The following EFHC1 variants were observed in gnomAD, a reference collection of about 807,000 sequenced individuals.
EFHC1 encodes the protein EF-hand domain containing 1.
Under a neutral mutation model 69.9 loss-of-function variants are expected in EFHC1, and 53 were observed. That is an observed-to-expected ratio of 0.76 (90% CI 0.61 to 0.95). The LOEUF is 0.95. EFHC1 is among the 40% of genes least tolerant of loss of function. EFHC1 has a pLI of 0.00. For missense variants in EFHC1, 739 were observed against 798.7 expected (o/e 0.93, Z 0.90); for synonymous variants, 256 against 278.4 (o/e 0.92, Z 0.80).
intron 2 of EFHC1, among the ~76,000 whole-genome samples, chr6:52,429,452 C>T (rs1333109595): frequency 1.3e-5 from 2 of 152,078 alleles, no homozygotes; most frequent in African/African-American, 4.8e-5. Flanking sequence ...AATAGGGTGT[C>T]CTTTCCTCAC....
chr6:52,492,066 CT>C (rs200224647), intron 10 of EFHC1, among the ~76,000 whole-genome samples: 2,523 of 152,308 alleles, frequency 0.017, 34 homozygotes, highest in Non-Finnish European at 0.024. Flanking sequence ...CTCCATCCAG[CT>C]TTGGTTTCAT....
At position 52,479,191 on chromosome 6, in the gene EFHC1, C is replaced by T; in HGVS notation, c.1433C>T (p.Thr478Ile). ...ACTAAAGTTGTTAAACCATACTCTA[C>T]AGTGGACAACCCTGTCTACTATGGC... ...GRTKVVKPYSTVDNPVYYGPS... is the reference protein window; with the variant it reads ...GRTKVVKPYSIVDNPVYYGPS... The change falls in exon 8 of 11, where the codon ACA becomes ATA. Residue 478 changes from threonine (T) to isoleucine (I), a missense_variant. Coordinates refer to ENST00000371068, the MANE Select transcript of EFHC1 (RefSeq NM_018100.4). 1 of 1,614,130 alleles carries T rather than the reference C, an allele frequency of 6.2e-7. No individual in the cohort carries two copies. Among genetic ancestry groups the T allele is most frequent in the Non-Finnish European group, 8.5e-7 (1 of 1,179,990 alleles).
intron 4 of EFHC1, 106 bp downstream of exon 4, chr6:52,452,943 C>G (rs190021570): frequency 1.2e-6 from 2 of 1,600,406 alleles, no homozygotes; most frequent in Non-Finnish European, 1.7e-6. Context: ...TGAAACATTA[C>G]AGCTATAATT....
chr6:52,454,107 T>C lies in EFHC1; in HGVS notation c.736T>C (p.Tyr246His), dbSNP rs1562453173. The change falls in exon 5 of 11, where the codon TAT becomes CAT. Residue 246 changes from tyrosine (Y) to histidine (H), a missense_variant. Transcript: ENST00000371068. ...GGATTCTTCAAAGGTCCTTCGATTC[T>C]ATGCAATCTGGGATGATACAGACAG... ...LTFDKQVLRF[Y>H]AIWDDTDSMY... The C allele has an allele frequency of 6.2e-7, 1 of 1,613,718 alleles. No individual in the cohort carries two copies.
chr6:52,465,907 T>C (rs1765296987), intron 6 of EFHC1, among the ~76,000 whole-genome samples: 1 of 149,100 alleles, frequency 6.7e-6, no homozygotes, highest in African/African-American at 2.4e-5. Context: ...TGATATTGGA[T>C]ATATATGATA....
At chr6:52,449,207 C>T (rs1463203337) in intron 3 of EFHC1, among the ~76,000 whole-genome samples, 1 of 152,020 alleles carries the variant, frequency 6.6e-6, no homozygotes. Flanking sequence ...CACAGTGAAA[C>T]CCCATCTCTA....
chr6:52,435,263 A>G (rs1345804394), intron 2 of EFHC1, among the ~76,000 whole-genome samples: 2 of 152,148 alleles, frequency 1.3e-5, no homozygotes, highest in African/African-American at 4.8e-5. Context: ...TACCCCCAAA[A>G]TCTGTTCTGC....
chr6:52,465,687 A>G (rs997223894), intron 6 of EFHC1, among the ~76,000 whole-genome samples: 4 of 151,494 alleles, frequency 2.6e-5, no homozygotes, highest in Non-Finnish European at 5.9e-5. Flanking sequence ...CGCACCTGTA[A>G]TCCCAGCTCC....
intron 3 of EFHC1, among the ~76,000 whole-genome samples, chr6:52,451,787 A>G (rs1481907191): frequency 2.6e-5 from 4 of 152,206 alleles, no homozygotes; most frequent in East Asian, 3.8e-4. Context: ...AAATTTGAGC[A>G]CTTGGTTTGT....
intron 5 of EFHC1, among the ~76,000 whole-genome samples, chr6:52,464,279 A>T (rs560246799): frequency 6.6e-6 from 1 of 152,204 alleles, no homozygotes; most frequent in Non-Finnish European, 1.5e-5. Context: ...TCATCATCTC[A>T]TTGACTGTCC....
In EFHC1 at chr6:52,497,032, A is replaced by G. The variant is rs75949581; in HGVS notation, c.*4691A>G. On this transcript the variant is annotated 3_prime_UTR_variant, in exon 11 of 11. Coordinates refer to ENST00000371068, the MANE Select transcript of EFHC1 (RefSeq NM_018100.4). ...ATTTGTTGGCCTTTACACAAACGAA[A>G]CCCCATTTCCTCCAAGCTAAATAAC... 9.4e-4 allele frequency: 143 copies of G among 152,106 alleles called. 1 individual carries two copies. Among genetic ancestry groups the G allele is most frequent in the African/African-American group, 3.4e-3 (139 of 41,472 alleles). The allele number at this position is 152,106 out of a possible 1,614,324, so 9.4% of individuals were successfully genotyped here.
Position 52,479,788 on chromosome 6 carries a change from G to A in EFHC1, c.1640+1G>A, listed in dbSNP as rs1436771482. 3 of 1,613,862 alleles carry A rather than the reference G, an allele frequency of 1.9e-6. 1 individual carries two copies. Among genetic ancestry groups the A allele is most frequent in the African/African-American group, 2.7e-5 (2 of 74,932 alleles). ...AAGCGCCTGCTCCAGAAGCAGAAAG[G>A]TGTGTGTTTGATTGCTAGGGTTTGG... On this transcript the variant is annotated splice_donor_variant, in intron 9 of 10. Coordinates refer to ENST00000371068, the MANE Select transcript of EFHC1 (RefSeq NM_018100.4). LOFTEE classifies it high-confidence loss of function.
At chr6:52,453,245 T>A (rs1764958616) in intron 4 of EFHC1, 2 of 1,289,532 alleles carry the variant, frequency 1.6e-6, no homozygotes, top group Non-Finnish European at 2.0e-6. Context: ...TAGGTTGTAA[T>A]GTTAAAATGT....
At chr6:52,428,850 A>T (rs1231128407) in intron 2 of EFHC1, among the ~76,000 whole-genome samples, 1 of 152,156 alleles carries the variant, frequency 6.6e-6, no homozygotes, top group African/African-American at 2.4e-5. Context: ...CCACACCAAC[A>T]TCTAATATTT....
intron 5 of EFHC1, among the ~76,000 whole-genome samples, chr6:52,457,333 A>G (rs954664515): frequency 1.3e-5 from 2 of 152,240 alleles, no homozygotes; most frequent in African/African-American, 4.8e-5. Flanking sequence ...TCTTTGTGGA[A>G]GAGCTGGGAT....
Position 52,492,691 on chromosome 6 carries a change from T to C in EFHC1, c.*350T>C, listed in dbSNP as rs950446617. ...GTGTGGTGGCACTATCCTAGTTCTATGAAGCCTCAGACTCCTGGGCTCAAG... is the reference window on the plus strand; with the variant it reads ...GTGTGGTGGCACTATCCTAGTTCTACGAAGCCTCAGACTCCTGGGCTCAAG... On this transcript the variant is annotated 3_prime_UTR_variant, in exon 11 of 11. Transcript: ENST00000371068. 1.3e-5 allele frequency: 6 copies of C among 445,186 alleles called. No homozygotes were observed. Among genetic ancestry groups the C allele is most frequent in the Non-Finnish European group, 2.7e-5 (6 of 225,122 alleles). The allele number at this position is 445,186 out of a possible 1,614,324, so 27.6% of individuals were successfully genotyped here.
chr6:52,456,149 TA>T (rs1199191215), intron 5 of EFHC1, among the ~76,000 whole-genome samples: 2 of 152,210 alleles, frequency 1.3e-5, no homozygotes, highest in African/African-American at 2.4e-5. Flanking sequence ...TTATGTTATA[TA>T]TTTTTTTAAA....
intron 3 of EFHC1, among the ~76,000 whole-genome samples, chr6:52,447,900 A>G (rs1022991270): frequency 6.6e-6 from 1 of 152,228 alleles, no homozygotes; most frequent in Non-Finnish European, 1.5e-5. Context: ...ATTGCTGAAC[A>G]GCAGATGTTG....
At chr6:52,434,558 A>C (rs544355683) in intron 2 of EFHC1, among the ~76,000 whole-genome samples, 2 of 152,180 alleles carry the variant, frequency 1.3e-5, no homozygotes, top group East Asian at 3.9e-4. Flanking sequence ...TACAAGAGCA[A>C]TTTGCTTCCT....
Sources: gnomAD v4.1 joint callset for allele counts (sites outside exome capture counted in the v4.1 genomes callset) on GRCh38, gnomAD v4.1.1 for gene constraint, MANE v1.5 for transcripts, NCBI Gene and HGNC (gene_info 2026-07-23, HGNC 2026-07-21) for gene names.